The following KREMEN1 variants were observed in gnomAD, a reference collection of about 807,000 sequenced individuals.
KREMEN1 encodes the protein kremen protein 1.
In KREMEN1, 30 loss-of-function variants were observed where a neutral mutation model predicts 46.5. The ratio of observed to expected loss-of-function variants is 0.65; its 90% CI spans 0.48 to 0.88. The LOEUF (loss-of-function observed/expected upper bound fraction) is 0.88, where lower values mean the gene tolerates loss of function less well. Ranked by LOEUF, KREMEN1 falls within the 40% of genes least tolerant of loss-of-function variation. The pLI is 0.00. For missense variants in KREMEN1, 533 were observed against 596.9 expected (o/e 0.89, Z 1.11); for synonymous variants, 214 against 230.6 (o/e 0.93, Z 0.65).
At chr22:29,110,337 A>G (rs1179331842) in intron 3 of KREMEN1, among the ~76,000 whole-genome samples, 1 of 152,252 alleles carries the variant, frequency 6.6e-6, no homozygotes, top group Non-Finnish European at 1.5e-5. Context: ...CTCTTAAGGC[A>G]TGAACTCAGA....
intron 4 of KREMEN1, among the ~76,000 whole-genome samples, chr22:29,123,895 A>G (rs903669316): frequency 1.2e-4 from 19 of 152,228 alleles, no homozygotes; most frequent in South Asian, 4.1e-4. Flanking sequence ...CATACCTATT[A>G]AAATGGCTAA....
chr22:29,085,679 A>C (rs1367610907), intron 1 of KREMEN1, among the ~76,000 whole-genome samples: 1 of 152,202 alleles, frequency 6.6e-6, no homozygotes, highest in Admixed American at 6.5e-5. Context: ...TTAAGCAAGA[A>C]GAATGCCTAA....
chr22:29,117,322 C>G (rs2038256366), intron 3 of KREMEN1, among the ~76,000 whole-genome samples: 1 of 152,170 alleles, frequency 6.6e-6, no homozygotes, highest in Non-Finnish European at 1.5e-5. Context: ...AATCCCAGCA[C>G]TTTGGGAGGC....
intron 5 of KREMEN1, among the ~76,000 whole-genome samples, chr22:29,133,360 T>C (rs2038597974): frequency 6.6e-6 from 1 of 151,988 alleles, no homozygotes; most frequent in South Asian, 2.1e-4. Context: ...AGTGCAGTAG[T>C]GCAGTCATGG....
At chr22:29,117,501 A>G (rs2038261443) in intron 3 of KREMEN1, among the ~76,000 whole-genome samples, 1 of 151,782 alleles carries the variant, frequency 6.6e-6, no homozygotes, top group Non-Finnish European at 1.5e-5. Context: ...CGGGAGGCGG[A>G]GCTTGCAGTG....
intron 1 of KREMEN1, among the ~76,000 whole-genome samples, chr22:29,079,774 T>C (rs554294252): frequency 1.3e-5 from 2 of 152,300 alleles, no homozygotes; most frequent in East Asian, 3.9e-4. Flanking sequence ...AACAGACATA[T>C]TAGATGGCTG....
At chr22:29,151,977 T>C in intron 9 of KREMEN1, among the ~76,000 whole-genome samples, 1 of 144,402 alleles carries the variant, frequency 6.9e-6, no homozygotes, top group African/African-American at 2.6e-5. Context: ...GCCATTGCAC[T>C]CCAGCCTGGG....
At chr22:29,131,690 GTATATATGTGTA>G (rs2038553865) in intron 5 of KREMEN1, among the ~76,000 whole-genome samples, 1 of 112,604 alleles carries the variant, frequency 8.9e-6, no homozygotes, top group African/African-American at 3.8e-5. Context: ...ATATATACAT[GTATATATGTGTA>G]TATATATGTA....
intron 1 of KREMEN1, among the ~76,000 whole-genome samples, chr22:29,090,787 GA>G (rs1014476105): frequency 1.3e-5 from 2 of 152,104 alleles, no homozygotes; most frequent in East Asian, 3.9e-4. Flanking sequence ...CTCTGTAATT[GA>G]TATGTACTGG....
Position 29,153,588 on chromosome 22 carries a change from G to C in KREMEN1, c.1416+11488G>C, listed in dbSNP as rs888766899. Among the ~76,000 whole-genome samples the C allele has an allele frequency of 4.6e-5, 7 of 152,104 alleles. No homozygotes were observed. The South Asian group carries it at 1.5e-3, about 32-fold the overall frequency. ...TGCCCAGGTTAGTCTTGAACTCCTG[G>C]GCTCAAGTGATCCTCTCGTCTTGGC... On this transcript the variant is annotated intron_variant, in intron 9 of 9. Transcript: ENST00000327813.
chr22:29,130,858 C>T (rs2038522726), intron 5 of KREMEN1, among the ~76,000 whole-genome samples: 1 of 152,214 alleles, frequency 6.6e-6, no homozygotes, highest in African/African-American at 2.4e-5. Context: ...GGGCTAATCT[C>T]TCCTTCAAAA....
rs2038820620 is a variant in KREMEN1 at position 29,144,437 on chromosome 22, C to A, written c.*2325C>A. The A allele has an allele frequency of 8.1e-6, 8 of 985,614 alleles. No homozygotes were observed. The highest frequency in any genetic ancestry group is 8.4e-6 in the Non-Finnish European group (7 of 830,052). 61.1% of individuals were successfully genotyped at this position (985,614 alleles called of 1,614,324 possible). On this transcript the variant is annotated 3_prime_UTR_variant, in exon 9 of 9. Transcript: ENST00000400335. ...CTGCCACCCCAGGCCCCGTGGGAGG[C>A]CTGCTGAGGGCACAGAGCTGCTCGG...
intron 3 of KREMEN1, among the ~76,000 whole-genome samples, chr22:29,120,442 ATGG>A (rs2038328769): frequency 6.5e-5 from 7 of 107,580 alleles, no homozygotes; most frequent in Admixed American, 9.4e-5. Context: ...AGAGGTGATG[ATGG>A]AAACAGGGAG....
At position 29,144,491 on chromosome 22, in the gene KREMEN1, A is replaced by T; in HGVS notation, c.*2379A>T. On this transcript the variant is annotated 3_prime_UTR_variant, in exon 9 of 9. Coordinates refer to ENST00000400335, the MANE Select transcript of KREMEN1 (RefSeq NM_001039570.3). ...AGCCTTCATGCTTTGATCTGGAAAG[A>T]GCAGCTGTCCGCAGGCCTCTGTCTC... 1 of 985,498 alleles carries T rather than the reference A, an allele frequency of 1.0e-6. No individual in the cohort carries two copies. The highest frequency in any genetic ancestry group is 1.7e-5 in the African/African-American group (1 of 57,374). 61.0% of individuals were successfully genotyped at this position (985,498 alleles called of 1,614,324 possible).
In KREMEN1 at chr22:29,111,348, C is replaced by T. The variant is rs189235983; in HGVS notation, c.353-10009C>T. On this transcript the variant is annotated intron_variant, in intron 3 of 8. Coordinates refer to ENST00000400335, the MANE Select transcript of KREMEN1 (RefSeq NM_001039570.3). Reference sequence around the variant, plus strand: ...AAAAATTAGGCCGGGTGCGGTGGCTCACGCCTGTAATCCCAGCACTTTGGG... The same window carrying T: ...AAAAATTAGGCCGGGTGCGGTGGCTTACGCCTGTAATCCCAGCACTTTGGG... Among the ~76,000 whole-genome samples, 950 of 148,826 alleles carry T rather than the reference C, an allele frequency of 6.4e-3. 11 individuals are homozygous for T. The highest frequency in any genetic ancestry group is 5.9e-3 in the Non-Finnish European group (400 of 67,486).
chr22:29,099,526 T>C (rs2037940024), intron 3 of KREMEN1: 1 of 151,938 alleles, frequency 6.6e-6, no homozygotes, highest in South Asian at 2.1e-4. Flanking sequence ...CATTCATTTA[T>C]TCCCGTATTC....
intron 1 of KREMEN1, among the ~76,000 whole-genome samples, chr22:29,077,140 G>A (rs2037585462): frequency 6.6e-6 from 1 of 152,154 alleles, no homozygotes; most frequent in African/African-American, 2.4e-5. Flanking sequence ...TTTTGAGTCT[G>A]GAAATGTCAA....
At chr22:29,077,921 A>T (rs1475903181) in intron 1 of KREMEN1, among the ~76,000 whole-genome samples, 1 of 152,168 alleles carries the variant, frequency 6.6e-6, no homozygotes, top group African/African-American at 2.4e-5. Flanking sequence ...AAAGATACGT[A>T]TGGGGAAAAG....
intron 9 of KREMEN1, among the ~76,000 whole-genome samples, chr22:29,158,153 T>G (rs2038979759): frequency 6.6e-6 from 1 of 152,214 alleles, no homozygotes; most frequent in Non-Finnish European, 1.5e-5. Flanking sequence ...GCTGGAGAAG[T>G]GGGCTGGCCC....
Sources: allele counts gnomAD v4.1 joint callset (sites outside exome capture counted in the v4.1 genomes callset), GRCh38; gene constraint gnomAD v4.1.1; transcripts MANE v1.5; gene names NCBI Gene and HGNC (gene_info 2026-07-23, HGNC 2026-07-21).